The following UTP20 variants were observed in gnomAD, a reference collection of about 807,000 sequenced individuals.
UTP20 encodes small subunit processome component 20 homolog.
A neutral mutation model predicts 329.5 loss-of-function variants in UTP20; 164 were observed. The ratio of observed to expected loss-of-function variants is 0.50; its 90% CI spans 0.44 to 0.57. The LOEUF (loss-of-function observed/expected upper bound fraction) is 0.57, where lower values mean the gene tolerates loss of function less well. Among genes scored for constraint, UTP20 ranks in the 20% least tolerant of loss-of-function variants. The pLI is 0.00. For synonymous variants in UTP20, 1,151 were observed against 1,159.3 expected, an observed-to-expected ratio of 0.99 and a Z score of 0.14; for missense variants, 3,055 against 3,284.2, an observed-to-expected ratio of 0.93 and a Z score of 1.71.
chr12:101,307,757 G>A (rs1872679615), intron 17 of UTP20, among the ~76,000 whole-genome samples: 1 of 152,142 alleles, frequency 6.6e-6, no homozygotes. Context: ...CTTGTTGACG[G>A]ATGGTTAGGT....
chr12:101,303,053 A>G (rs1872562798), intron 15 of UTP20, among the ~76,000 whole-genome samples: 1 of 152,216 alleles, frequency 6.6e-6, no homozygotes, highest in Non-Finnish European at 1.5e-5. Flanking sequence ...TGATAGCAGC[A>G]CAGAGCCATT....
intron 56 of UTP20, among the ~76,000 whole-genome samples, chr12:101,376,154 G>GAAAAAAAC (rs1870464362): frequency 6.6e-6 from 1 of 152,038 alleles, no homozygotes; most frequent in African/African-American, 2.4e-5. Context: ...TGTTCAGTAG[G>GAAAAAAAC]CATAGGGTTT....
At chr12:101,325,555 C>T (rs1348302569) in intron 25 of UTP20, among the ~76,000 whole-genome samples, 1 of 152,200 alleles carries the variant, frequency 6.6e-6, no homozygotes, top group South Asian at 2.1e-4. Flanking sequence ...ATTTAACAAA[C>T]AAACACACTT....
At position 101,345,711 on chromosome 12, in the gene UTP20, C is replaced by T. The variant is rs750720100; in HGVS notation, c.4746+17C>T. On this transcript the variant is annotated intron_variant, in intron 37 of 61. Coordinates refer to ENST00000261637, the MANE Select transcript of UTP20 (RefSeq NM_014503.3). ...CACATTCAGGTAGAAGACAATTCTG[C>T]TTTTTCCTACCTACGACATAAGCAT... 6.3e-7 allele frequency: 1 copy of T among 1,599,440 alleles called. No homozygotes were observed. Among genetic ancestry groups the T allele is most frequent in the Non-Finnish European group, 8.5e-7 (1 of 1,175,142 alleles).
At chr12:101,288,046 A>T (rs1029859379) in intron 5 of UTP20, among the ~76,000 whole-genome samples, 1 of 152,210 alleles carries the variant, frequency 6.6e-6, no homozygotes, top group Admixed American at 6.5e-5. Flanking sequence ...TACTGGGTTC[A>T]TCCCTTGCCA....
chr12:101,340,713 G>A (rs1869094741), intron 32 of UTP20, 103 bp downstream of exon 32: 1 of 728,768 alleles, frequency 1.4e-6, no homozygotes, highest in African/African-American at 1.8e-5. Flanking sequence ...TGATGCATTT[G>A]TCGCAAGGAA....
At chr12:101,380,461 A>G (rs11610301) in intron 57 of UTP20, among the ~76,000 whole-genome samples, 66,974 of 152,032 alleles carry the variant, frequency 0.44, 16,841 homozygotes, top group Non-Finnish European at 0.57. Context: ...GTCCTAGCAC[A>G]ATGTCTCACT....
intron 26 of UTP20, 27 bp downstream of exon 26, chr12:101,327,274 A>C: frequency 6.5e-7 from 1 of 1,542,010 alleles, no homozygotes; most frequent in Non-Finnish European, 8.8e-7. Flanking sequence ...TCTCACTCTA[A>C]TACCTGTTGT....
At chr12:101,289,384 C>CAT (rs1565784627) in intron 6 of UTP20, among the ~76,000 whole-genome samples, 1 of 150,510 alleles carries the variant, frequency 6.6e-6, no homozygotes, top group African/African-American at 2.5e-5. Context: ...ATCACACACA[C>CAT]ACACACATAC....
chr12:101,383,624 A>C lies in UTP20; in HGVS notation c.8011A>C (p.Ile2671Leu). 6.2e-7 allele frequency: 1 copy of C among 1,613,918 alleles called. No individual in the cohort carries two copies. Among genetic ancestry groups the C allele is most frequent in the Non-Finnish European group, 8.5e-7 (1 of 1,179,916 alleles). ...GGTAAAGCCGTATCTCCCAATGATC[A>C]TAGCTCCTTTGTTTCGGGAACTCAA... is the stretch of plus-strand genomic sequence containing the variant. ...DKVKPYLPMI[I>L]APLFRELNST... Residue 2671 changes from isoleucine to leucine, a missense_variant, in exon 60 of 62, where the codon ATA becomes CTA. This residue lies in a region of UTP20 where 337 missense variants were observed against 345.5 expected (regional missense o/e 0.98). Coordinates refer to ENST00000261637, the MANE Select transcript of UTP20 (RefSeq NM_014503.3).
chr12:101,372,767 T>G, intron 51 of UTP20, 117 bp from the exon 52 acceptor site: 2 of 738,004 alleles, frequency 2.7e-6, no homozygotes, highest in Non-Finnish European at 4.6e-6. Context: ...GAAAGCCTGA[T>G]TGATTGCCAT....
At position 101,345,686 on chromosome 12, in the gene UTP20, C is replaced by T. The variant is rs1338811213; in HGVS notation, c.4738C>T (p.His1580Tyr). 11 of 1,609,932 alleles carry T rather than the reference C, an allele frequency of 6.8e-6. No individual in the cohort carries two copies. In the East Asian group the frequency reaches 2.5e-4, roughly 36 times the overall value. ...AATGGACTTCTTTGAGAACATGAAGCACATTCAGGTAGAAGACAATTCTGC... is the reference window on the plus strand; with the variant it reads ...AATGGACTTCTTTGAGAACATGAAGTACATTCAGGTAGAAGACAATTCTGC... ...PEMDFFENMK[H>Y]IQIHRRARAL... Residue 1580 changes from histidine (H) to tyrosine (Y), a missense_variant, in exon 37 of 62, where the codon CAC (histidine) becomes TAC (tyrosine). Physicochemically the swap from His to Tyr is moderately conservative, Grantham distance 83. Transcript: ENST00000261637.
chr12:101,311,609 A>T (rs2137252609), intron 19 of UTP20, 110 bp from the exon 20 acceptor site: 1 of 962,352 alleles, frequency 1.0e-6, no homozygotes, highest in Non-Finnish European at 1.5e-6. Flanking sequence ...ATTGAGGGAT[A>T]ACCTAATTGA....
chr12:101,331,571 T>C (rs1868762473), intron 27 of UTP20, among the ~76,000 whole-genome samples: 1 of 152,198 alleles, frequency 6.6e-6, no homozygotes, highest in African/African-American at 2.4e-5. Flanking sequence ...CTCAGCAAAC[T>C]AATGACATCC....
At chr12:101,324,937 C>T (rs1347165570) in intron 25 of UTP20, among the ~76,000 whole-genome samples, 1 of 151,926 alleles carries the variant, frequency 6.6e-6, no homozygotes, top group Admixed American at 6.6e-5. Context: ...CTTATTTTTG[C>T]TACATAACTA....
Position 101,343,419 on chromosome 12 carries a change from T to C in UTP20, c.4449+326T>C, listed in dbSNP as rs181958876. Among the ~76,000 whole-genome samples, 4 of 152,306 alleles carry C rather than the reference T, an allele frequency of 2.6e-5. No homozygotes were observed. In the East Asian group the frequency reaches 7.7e-4, roughly 29 times the overall value. On this transcript the variant is annotated intron_variant, in intron 35 of 61. Transcript: ENST00000261637. ...GGGAGGAATGGGGCGTGATTTCTAA[T>C]GGGTATAGGGTTTCTTTTGGGAGTG...
At chr12:101,316,133 A>C (rs1872964731) in intron 21 of UTP20, among the ~76,000 whole-genome samples, 1 of 152,236 alleles carries the variant, frequency 6.6e-6, no homozygotes, top group African/African-American at 2.4e-5. Context: ...TTATATTTCT[A>C]AATATGTTTC....
intron 48 of UTP20, among the ~76,000 whole-genome samples, chr12:101,368,352 C>T (rs1488802065): frequency 6.6e-6 from 1 of 151,952 alleles, no homozygotes; most frequent in Non-Finnish European, 1.5e-5. Flanking sequence ...AGACTGGTCT[C>T]GAACCCCTGA....
intron 31 of UTP20, among the ~76,000 whole-genome samples, chr12:101,340,208 A>T (rs926008226): frequency 2.6e-5 from 4 of 152,198 alleles, no homozygotes; most frequent in African/African-American, 2.4e-5. Context: ...TTTCTTTTCA[A>T]AATAAAACAA....
Sources: gnomAD v4.1 joint callset for allele counts (sites outside exome capture counted in the v4.1 genomes callset) on GRCh38, gnomAD v4.1.1 for gene constraint, gnomAD v4.1.1 regional missense constraint, MANE v1.5 for transcripts, NCBI Gene and HGNC (gene_info 2026-07-23, HGNC 2026-07-21) for gene names.